The following PCDH9 variants were observed in gnomAD, a reference collection of about 807,000 sequenced individuals.
PCDH9 encodes the protein protocadherin 9.
PCDH9 carries 24 observed loss-of-function variants against 70.6 expected under a neutral mutation model. That is an observed-to-expected ratio of 0.34 (90% confidence interval 0.25 to 0.48). PCDH9 has a LOEUF of 0.48. Ranked by LOEUF, PCDH9 falls within the 20% of genes least tolerant of loss-of-function variation. PCDH9 has a pLI of 0.99. For synonymous variants in PCDH9, 562 were observed against 558.5 expected, an observed-to-expected ratio of 1.01 and a Z score of -0.09; for missense variants, 1,281 against 1,503.6, an observed-to-expected ratio of 0.85 and a Z score of 2.45.
chr13:66,342,104 T>C (rs1956137608), intron 4 of PCDH9, among the ~76,000 whole-genome samples: 1 of 152,190 alleles, frequency 6.6e-6, no homozygotes, highest in South Asian at 2.1e-4. Flanking sequence ...AGAACTTTTA[T>C]TAAAACTGTT....
intron 3 of PCDH9, among the ~76,000 whole-genome samples, chr13:66,814,675 G>A (rs768201401): frequency 7.9e-5 from 12 of 151,988 alleles, no homozygotes. Flanking sequence ...CTTCTCATTC[G>A]ATAAATGGTG....
At chr13:66,944,422 A>G (rs1489230998) in intron 2 of PCDH9, among the ~76,000 whole-genome samples, 1 of 152,106 alleles carries the variant, frequency 6.6e-6, no homozygotes, top group African/African-American at 2.4e-5. Flanking sequence ...AGTGGTTTGT[A>G]TTGAATTATT....
intron 2 of PCDH9, among the ~76,000 whole-genome samples, chr13:66,949,746 T>C (rs1217677659): frequency 6.6e-6 from 1 of 151,518 alleles, no homozygotes; most frequent in African/African-American, 2.4e-5. Flanking sequence ...TTTGGAAAAA[T>C]GAGTAAAGAA....
chr13:66,804,529 A>G (rs1436323729), intron 3 of PCDH9, among the ~76,000 whole-genome samples: 1 of 152,190 alleles, frequency 6.6e-6, no homozygotes, highest in Non-Finnish European at 1.5e-5. Flanking sequence ...AGATTGCAGA[A>G]TTGCAAGAGA....
chr13:66,373,963 T>A (rs1470913586), intron 4 of PCDH9, among the ~76,000 whole-genome samples: 3 of 152,114 alleles, frequency 2.0e-5, no homozygotes, highest in Non-Finnish European at 4.4e-5. Flanking sequence ...CATTTATTAG[T>A]GTTTTGCGTA....
chr13:66,895,862 G>C (rs1429650689), intron 3 of PCDH9, among the ~76,000 whole-genome samples: 1 of 152,106 alleles, frequency 6.6e-6, no homozygotes, highest in African/African-American at 2.4e-5. Context: ...TATCTGAAAG[G>C]CTCATCCCCC....
At chr13:66,568,512 CAAAAA>C (rs34215376) in intron 4 of PCDH9, among the ~76,000 whole-genome samples, 1 of 108,112 alleles carries the variant, frequency 9.2e-6, no homozygotes, top group Admixed American at 1.0e-4. Context: ...TGAGACTTTA[CAAAAA>C]AAAAAAAAAG....
intron 4 of PCDH9, among the ~76,000 whole-genome samples, chr13:66,495,179 A>C (rs7334257): frequency 0.86 from 131,159 of 152,118 alleles, 56,673 homozygotes; most frequent in East Asian, 1. Flanking sequence ...GTAAGTACAA[A>C]AAGAAAATTA....
chr13:67,178,049 T>C (rs1025607310), intron 2 of PCDH9, among the ~76,000 whole-genome samples: 1 of 152,078 alleles, frequency 6.6e-6, no homozygotes, highest in Admixed American at 6.6e-5. Context: ...CATCTCACTG[T>C]ACAATATACA....
intron 3 of PCDH9, among the ~76,000 whole-genome samples, chr13:66,697,634 C>A (rs1472757317): frequency 6.6e-6 from 1 of 152,078 alleles, no homozygotes; most frequent in African/African-American, 2.4e-5. Context: ...AGATGTTTAA[C>A]AGCATCCCTG....
At chr13:66,659,040 T>C (rs1032426345) in intron 3 of PCDH9, among the ~76,000 whole-genome samples, 41 of 152,016 alleles carry the variant, frequency 2.7e-4, no homozygotes, top group African/African-American at 9.2e-4. Context: ...GCATATACTT[T>C]CTCCATTGCA....
chr13:66,811,909 A>G (rs1486837802), intron 3 of PCDH9, among the ~76,000 whole-genome samples: 1 of 151,970 alleles, frequency 6.6e-6, no homozygotes, highest in African/African-American at 2.4e-5. Flanking sequence ...ATAATTAAAT[A>G]TATTTTAAAA....
intron 4 of PCDH9, among the ~76,000 whole-genome samples, chr13:66,363,135 C>A (rs1258717569): frequency 1.3e-5 from 2 of 152,094 alleles, no homozygotes; most frequent in Admixed American, 1.3e-4. Context: ...GCTGAGATTG[C>A]ACCACTGCAC....
At chr13:66,700,017 C>T (rs1228036866) in intron 3 of PCDH9, among the ~76,000 whole-genome samples, 2 of 151,742 alleles carry the variant, frequency 1.3e-5, no homozygotes, top group Non-Finnish European at 2.9e-5. Context: ...TGTAACTGTT[C>T]TAAACATATT....
At chr13:67,082,325 G>A (rs1230684276) in intron 2 of PCDH9, among the ~76,000 whole-genome samples, 3 of 152,098 alleles carry the variant, frequency 2.0e-5, no homozygotes, top group Non-Finnish European at 4.4e-5. Flanking sequence ...TTCCACATAT[G>A]AATGAAAGCA....
At position 66,603,006 on chromosome 13, in the gene PCDH9, G is replaced by A. The variant is rs986289576; in HGVS notation, c.3340+28204C>T. 8.2e-5 allele frequency among the ~76,000 whole-genome samples: 12 copies of A among 145,794 alleles called. 1 individual carries two copies. The highest frequency in any genetic ancestry group is 2.1e-4 in the Admixed American group (3 of 14,454). Reference sequence around the variant, plus strand: ...CCTTGTAGACTAGGAGTGTGTAGGCGATACCATCTAGGTTTGTGTAAGTAC... The same window carrying A: ...CCTTGTAGACTAGGAGTGTGTAGGCAATACCATCTAGGTTTGTGTAAGTAC... On this transcript the variant is annotated intron_variant, in intron 4 of 4. Transcript: ENST00000377865.
intron 2 of PCDH9, among the ~76,000 whole-genome samples, chr13:67,011,839 G>A (rs1433109530): frequency 6.6e-6 from 1 of 151,838 alleles, no homozygotes; most frequent in Non-Finnish European, 1.5e-5. Flanking sequence ...TTGAAAATAT[G>A]ACTAGGTCGC....
chr13:66,758,245 T>C (rs1428243616), intron 3 of PCDH9, among the ~76,000 whole-genome samples: 1 of 152,018 alleles, frequency 6.6e-6, no homozygotes, highest in African/African-American at 2.4e-5. Context: ...TAATACATTA[T>C]ATCATCAACT....
At chr13:66,692,916 A>C (rs2139087995) in intron 3 of PCDH9, among the ~76,000 whole-genome samples, 1 of 152,246 alleles carries the variant, frequency 6.6e-6, no homozygotes, top group Non-Finnish European at 1.5e-5. Context: ...TATTTGAGGA[A>C]AAATGTACAA....
Sources: gnomAD v4.1 joint callset for allele counts (sites outside exome capture counted in the v4.1 genomes callset) on GRCh38, gnomAD v4.1.1 for gene constraint, MANE v1.5 for transcripts, NCBI Gene and HGNC (gene_info 2026-07-23, HGNC 2026-07-21) for gene names.